The following CXCR5 variants were observed in gnomAD, a reference collection of about 807,000 sequenced individuals.
The protein encoded by CXCR5 is C-X-C chemokine receptor type 5.
Under a neutral mutation model 5.6 loss-of-function variants are expected in CXCR5, and 3 were observed. The observed-to-expected ratio is 0.54, with a 90% CI of 0.24 to 1.39. CXCR5 has a LOEUF of 1.39. Ranked by LOEUF, CXCR5 falls within the 40% of genes most tolerant of loss-of-function variation. CXCR5 has a pLI of 0.16. For missense variants in CXCR5, 333 were observed against 494.6 expected (o/e 0.67, Z 3.10); for synonymous variants, 218 against 219.9 (o/e 0.99, Z 0.08).
rs1363300583 is a variant in CXCR5, at chr11:118,894,245, T to A, written c.701T>A (p.Met234Lys). 6.2e-7 allele frequency: 1 copy of A among 1,614,102 alleles called. No individual in the cohort carries two copies. The highest frequency in any genetic ancestry group is 8.5e-7 in the Non-Finnish European group (1 of 1,180,030). ...GGATTCCTGCTGCCCATGCTGGTGA[T>A]GGGCTGGTGCTACGTGGGGGTAGTG... Reference protein sequence around the residue: ...VAGFLLPMLVMGWCYVGVVHR... With the variant: ...VAGFLLPMLVKGWCYVGVVHR... The change falls in exon 2 of 2, where the codon ATG (methionine) becomes AAG (lysine). Residue 234 changes from methionine to lysine, a missense_variant. Physicochemically the swap from Met to Lys is moderately conservative, Grantham distance 95. Transcript: ENST00000292174. The surrounding 1 kb of genome is among the most constrained non-coding windows in gnomAD (Gnocchi z 6.1).
Position 118,894,717 on chromosome 11 carries a change from G to T in CXCR5, c.*54G>T. ...TTCCTTGGGGCAGGCAGTGATGCTG[G>T]ATGCTCCTTCCAACAGGAGCTGGGA... On this transcript the variant is annotated 3_prime_UTR_variant, in exon 2 of 2. Transcript: ENST00000292174. This position sits in a 1 kb window ranked among gnomAD's most constrained non-coding sequence, Gnocchi z 6.1. 3 of 1,476,668 alleles carry T rather than the reference G, an allele frequency of 2.0e-6. No individual in the cohort carries two copies. Among genetic ancestry groups the T allele is most frequent in the Non-Finnish European group, 2.7e-6 (3 of 1,108,318 alleles). 91.5% of individuals were successfully genotyped at this position (1,476,668 alleles called of 1,614,324 possible).
rs370663839 is a variant in CXCR5 at position 118,886,262 on chromosome 11, T to C, written c.51+2270T>C. Reference sequence around the variant, plus strand: ...CCTCCTTGTCCTTGCCCATACCAGGTATTGGTTCACATTCCTTGAACGCTG... The same window carrying C: ...CCTCCTTGTCCTTGCCCATACCAGGCATTGGTTCACATTCCTTGAACGCTG... On this transcript the variant is annotated intron_variant, in intron 1 of 1. Coordinates refer to ENST00000292174, the MANE Select transcript of CXCR5 (RefSeq NM_001716.5). 8.7e-4 allele frequency: 371 copies of C among 427,360 alleles called. 9 individuals carry two copies. Among genetic ancestry groups the C allele is most frequent in the South Asian group, 5.6e-3 (332 of 58,940 alleles). The allele number at this position is 427,360 out of a possible 1,614,324, so 26.5% of individuals were successfully genotyped here. A position where few individuals can be genotyped will look rare whatever the true frequency, so the allele number is the denominator to read the frequency against.
At chr11:118,886,758 G>A (rs1003976509) in intron 1 of CXCR5, 6 of 206,760 alleles carry the variant, frequency 2.9e-5, no homozygotes, top group South Asian at 1.3e-4. Context: ...CACACCAGCC[G>A]GGAGGGGAAG....
Position 118,897,629 on chromosome 11 carries a change from G to T in CXCR5, c.*2966G>T, listed in dbSNP as rs1232813584. The T allele has an allele frequency of 2.7e-6, 1 of 370,276 alleles. No individual in the cohort carries two copies. The highest frequency in any genetic ancestry group is 5.3e-6 in the Non-Finnish European group (1 of 188,620). The allele number at this position is 370,276 out of a possible 1,614,324, so 22.9% of individuals were successfully genotyped here. A position where few individuals can be genotyped will look rare whatever the true frequency, so the allele number is the denominator to read the frequency against. On this transcript the variant is annotated 3_prime_UTR_variant, in exon 2 of 2. Transcript: ENST00000292174. ...CATCTTACCATTTGGGGACGAGACAGGAATGGTATCCCTTAGGGACCCAGA... is the reference window on the plus strand; with the variant it reads ...CATCTTACCATTTGGGGACGAGACATGAATGGTATCCCTTAGGGACCCAGA...
At chr11:118,887,904 G>A (rs1591964785) in intron 1 of CXCR5, among the ~76,000 whole-genome samples, 2 of 152,336 alleles carry the variant, frequency 1.3e-5, no homozygotes, top group East Asian at 3.9e-4. Flanking sequence ...CGGCCAGCAT[G>A]ACTCAGGCCT....
At chr11:118,886,020 G>A (rs959221325) in intron 1 of CXCR5, 8 of 264,868 alleles carry the variant, frequency 3.0e-5, no homozygotes, top group East Asian at 2.3e-4. Flanking sequence ...CCTCTCCTCC[G>A]CCCCCACCCA....
Position 118,894,295 on chromosome 11 carries a change from C to T in CXCR5, c.751C>T (p.Arg251Cys), listed in dbSNP as rs1486574010. 6.8e-6 allele frequency: 11 copies of T among 1,613,964 alleles called. No homozygotes were observed. Among genetic ancestry groups the T allele is most frequent in the Non-Finnish European group, 8.5e-6 (10 of 1,180,038 alleles). The change falls in exon 2 of 2, where the codon CGC (arginine) becomes TGC (cysteine). Residue 251 changes from arginine to cysteine, a missense_variant. Coordinates refer to ENST00000292174, the MANE Select transcript of CXCR5 (RefSeq NM_001716.5). This position sits in a 1 kb window ranked among gnomAD's most constrained non-coding sequence, Gnocchi z 6.1. ...GCACAGGTTGCGCCAGGCCCAGCGG[C>T]GCCCTCAGCGGCAGAAGGCAGTCAG... ...VVHRLRQAQR[R>C]PQRQKAVRVA...
At chr11:118,884,723 TAAG>T (rs891861951) in intron 1 of CXCR5, among the ~76,000 whole-genome samples, 15 of 152,154 alleles carry the variant, frequency 9.9e-5, no homozygotes, top group Non-Finnish European at 1.6e-4. Context: ...TTGGGTGGGC[TAAG>T]AAAATGGTCT....
At chr11:118,891,714 C>CA (rs991440145) in intron 1 of CXCR5, among the ~76,000 whole-genome samples, 1 of 151,414 alleles carries the variant, frequency 6.6e-6, no homozygotes, top group African/African-American at 2.4e-5. Context: ...ACTAAAAATA[C>CA]AAAAAAATTA....
At chr11:118,886,616 C>T (rs1408630720) in intron 1 of CXCR5, 4 of 347,886 alleles carry the variant, frequency 1.1e-5, no homozygotes, top group East Asian at 7.8e-5. Flanking sequence ...CTGGAAAGGC[C>T]GATCCTGGCA....
chr11:118,888,398 C>T (rs967338324), intron 1 of CXCR5, among the ~76,000 whole-genome samples: 5 of 152,154 alleles, frequency 3.3e-5, no homozygotes, highest in Non-Finnish European at 7.3e-5. Flanking sequence ...GACATCAGCC[C>T]TCAGGGACTC....
At chr11:118,886,206 G>T in intron 1 of CXCR5, 1 of 400,216 alleles carries the variant, frequency 2.5e-6, no homozygotes, top group South Asian at 1.8e-5. Context: ...GAGTTAGTCT[G>T]GGTCCTTCTA....
chr11:118,894,528 G>A lies in CXCR5; in HGVS notation c.984G>A (p.Lys328=), dbSNP rs866800308. The A allele has an allele frequency of 1.3e-6, 2 of 1,583,490 alleles. No individual in the cohort carries two copies. Among genetic ancestry groups the A allele is most frequent in the Middle Eastern group, 1.7e-4 (1 of 5,920 alleles). Residue 328 remains lysine (K), a synonymous_variant, in exon 2 of 2, where the codon AAG becomes AAA. Coordinates refer to ENST00000292174, the MANE Select transcript of CXCR5 (RefSeq NM_001716.5). This position sits in a 1 kb window ranked among gnomAD's most constrained non-coding sequence, Gnocchi z 6.1. ...TGCTCTACACTTTCGCCGGCGTGAAGTTCCGCAGTGACCTGTCGCGGCTCC... is the reference window on the plus strand; with the variant it reads ...TGCTCTACACTTTCGCCGGCGTGAAATTCCGCAGTGACCTGTCGCGGCTCC... ...NPMLYTFAGV[K]FRSDLSRLLT...
intron 1 of CXCR5, chr11:118,886,347 G>GAAAA: frequency 3.0e-5 from 12 of 405,698 alleles, no homozygotes; most frequent in Admixed American, 6.2e-5. Context: ...AAACTTGCCA[G>GAAAA]AAAAAAAAAA....
At chr11:118,889,202 C>T (rs1354367369) in intron 1 of CXCR5, among the ~76,000 whole-genome samples, 3 of 152,254 alleles carry the variant, frequency 2.0e-5, no homozygotes, top group African/African-American at 7.2e-5. Context: ...GCTCCACTCT[C>T]AGCCTCATTC....
At position 118,897,663 on chromosome 11, in the gene CXCR5, A is replaced by T. The variant is rs908290346; in HGVS notation, c.*3000A>T. On this transcript the variant is annotated 3_prime_UTR_variant, in exon 2 of 2. Coordinates refer to ENST00000292174, the MANE Select transcript of CXCR5 (RefSeq NM_001716.5). Reference sequence around the variant, plus strand: ...TCCCTTAGGGACCCAGAGACACTGCAAACAGTGGGTGGCCATGTAGGGCTG... The same window carrying T: ...TCCCTTAGGGACCCAGAGACACTGCTAACAGTGGGTGGCCATGTAGGGCTG... 2 of 402,170 alleles carry T rather than the reference A, an allele frequency of 5.0e-6. No homozygotes were observed. The highest frequency in any genetic ancestry group is 4.2e-5 in the African/African-American group (2 of 47,490). 24.9% of individuals were successfully genotyped at this position (402,170 alleles called of 1,614,324 possible).
intron 1 of CXCR5, chr11:118,887,270 CA>C (rs1249510709): frequency 2.2e-5 from 22 of 985,268 alleles, no homozygotes; most frequent in Non-Finnish European, 2.7e-5. Context: ...AATCAGGACA[CA>C]AGAATGAGCA....
chr11:118,892,823 T>C (rs1434861222), intron 1 of CXCR5, among the ~76,000 whole-genome samples: 1 of 152,172 alleles, frequency 6.6e-6, no homozygotes, highest in African/African-American at 2.4e-5. Context: ...TCTCTGCCTC[T>C]GGGCTTTCTG....
intron 1 of CXCR5, 35 bp downstream of exon 1, chr11:118,884,027 C>G: frequency 6.2e-7 from 1 of 1,602,978 alleles, no homozygotes; most frequent in East Asian, 2.3e-5. Context: ...GTCGCCGAGG[C>G]CCTGTCTGGA....
Sources: allele counts gnomAD v4.1 joint callset (sites outside exome capture counted in the v4.1 genomes callset), GRCh38; gene constraint gnomAD v4.1.1; non-coding constraint Gnocchi (gnomAD v3.1); transcripts MANE v1.5; gene names NCBI Gene and HGNC (gene_info 2026-07-23, HGNC 2026-07-21).